The following AFF2 variants were observed in gnomAD, a reference collection of about 807,000 sequenced individuals.
The protein encoded by AFF2 is ALF transcription elongation factor 2.
A neutral mutation model predicts 76.9 loss-of-function variants in AFF2; 14 were observed. The observed-to-expected ratio is 0.18, with a 90% CI of 0.12 to 0.28. The LOEUF is 0.28. Among genes scored for constraint, AFF2 ranks in the 10% least tolerant of loss-of-function variants. The pLI is 1.00. For synonymous variants in AFF2, 398 were observed against 366.7 expected (o/e 1.09, Z -0.98); for missense variants, 868 against 1,001.1 (o/e 0.87, Z 1.79).
rs149793283 is a variant in AFF2 at position 148,505,140 on chromosome X, C to G, written c.47+3996C>G. On this transcript the variant is annotated intron_variant, in intron 1 of 20. Transcript: ENST00000370460. ...TCTTTGCTAGTACAGTATGCATTCT[C>G]CCGTGTGTTTGAGCATTCATTCAAC... 7.9e-3 allele frequency among the ~76,000 whole-genome samples: 888 copies of G among 111,928 alleles called. 6 individuals are homozygous for G. The highest frequency in any genetic ancestry group is 0.014 in the Middle Eastern group (3 of 218).
chrX:148,935,872 G>GTTT (rs200974378), intron 9 of AFF2, among the ~76,000 whole-genome samples: 1 of 99,675 alleles, frequency 1.0e-5, no homozygotes, highest in Admixed American at 1.1e-4. Context: ...TATACTTTAG[G>GTTT]TTTTTTTTTT....
chrX:148,551,806 G>A (rs2052996332), intron 1 of AFF2, among the ~76,000 whole-genome samples: 2 of 111,756 alleles, frequency 1.8e-5, no homozygotes, highest in Admixed American at 1.9e-4. Context: ...TGTATACCTG[G>A]GGAGTTGAGC....
chrX:148,739,660 A>G (rs2055326857), intron 3 of AFF2, among the ~76,000 whole-genome samples: 1 of 111,842 alleles, frequency 8.9e-6, no homozygotes, highest in Admixed American at 9.5e-5. Context: ...GTACTGTTGC[A>G]TTCATCATGC....
intron 1 of AFF2, among the ~76,000 whole-genome samples, chrX:148,597,239 A>G (rs1423289513): frequency 1.8e-5 from 2 of 111,267 alleles, no homozygotes; most frequent in African/African-American, 6.5e-5. Context: ...GTGTTACCCT[A>G]TGAAAGGCCC....
chrX:148,997,108 GTATC>G lies in AFF2; in HGVS notation c.*5779_*5782del, dbSNP rs2072611251. The G allele has an allele frequency of 8.9e-6, 1 of 112,058 alleles. No homozygotes were observed. The highest frequency in any genetic ancestry group is 9.5e-5 in the Admixed American group (1 of 10,499). The allele number at this position is 112,058 out of a possible 1,213,427, so 9.2% of individuals were successfully genotyped here. On this transcript the variant is annotated 3_prime_UTR_variant, in exon 21 of 21. Coordinates refer to ENST00000370460, the MANE Select transcript of AFF2 (RefSeq NM_002025.4). ...TGTTAACATTTGTTTTTAGTTAAAA[GTATC>G]TACTTACTGTTTTAGCTCTGAACTC...
At chrX:148,733,904 C>T (rs1273319226) in intron 3 of AFF2, among the ~76,000 whole-genome samples, 2 of 112,429 alleles carry the variant, frequency 1.8e-5, no homozygotes, top group Non-Finnish European at 3.8e-5. Context: ...AGACCAAAAC[C>T]TACCTAGCTA....
chrX:148,552,379 A>G (rs1362747329), intron 1 of AFF2, among the ~76,000 whole-genome samples: 2 of 111,648 alleles, frequency 1.8e-5, no homozygotes, highest in Non-Finnish European at 3.8e-5. Context: ...TGAACTGGCT[A>G]TTTTGTCCTC....
At chrX:148,945,096 A>G (rs991750146) in intron 9 of AFF2, among the ~76,000 whole-genome samples, 8 of 111,401 alleles carry the variant, frequency 7.2e-5, no homozygotes, top group African/African-American at 2.6e-4. Context: ...ACGGCCATGG[A>G]TATAGCCTGC....
At chrX:148,547,959 T>A (rs1202964982) in intron 1 of AFF2, among the ~76,000 whole-genome samples, 1 of 111,828 alleles carries the variant, frequency 8.9e-6, no homozygotes, top group Non-Finnish European at 1.9e-5. Flanking sequence ...CACCTATCAC[T>A]CTCCACTGCT....
intron 9 of AFF2, among the ~76,000 whole-genome samples, chrX:148,935,553 C>G (rs1282042287): frequency 1.8e-5 from 2 of 111,086 alleles, no homozygotes; most frequent in Non-Finnish European, 3.8e-5. Flanking sequence ...AAATTAAGTC[C>G]AAATCAACAC....
chrX:148,514,188 C>G (rs2052512080), intron 1 of AFF2, among the ~76,000 whole-genome samples: 1 of 111,182 alleles, frequency 9.0e-6, no homozygotes, highest in Non-Finnish European at 1.9e-5. Flanking sequence ...CGGAAAACCA[C>G]AGAAGTATAA....
chrX:148,657,339 G>T (rs2054263530), intron 2 of AFF2, among the ~76,000 whole-genome samples: 1 of 111,672 alleles, frequency 9.0e-6, no homozygotes, highest in South Asian at 3.7e-4. Flanking sequence ...GAGATTAACT[G>T]CAAAAATACT....
At chrX:148,953,465 G>T in intron 9 of AFF2, 115 bp from the exon 10 acceptor site, 1 of 842,073 alleles carries the variant, frequency 1.2e-6, no homozygotes, top group South Asian at 2.8e-5. Context: ...AAATGGGAAC[G>T]GTAAACCCCA....
At chrX:148,853,515 T>A (rs2124012992) in intron 7 of AFF2, among the ~76,000 whole-genome samples, 1 of 112,188 alleles carries the variant, frequency 8.9e-6, no homozygotes, top group African/African-American at 3.2e-5. Flanking sequence ...GATGAGCTCA[T>A]GAATGAGCTT....
intron 20 of AFF2, among the ~76,000 whole-genome samples, chrX:148,988,372 A>T (rs1426777280): frequency 8.9e-6 from 1 of 112,127 alleles, no homozygotes; most frequent in Non-Finnish European, 1.9e-5. Context: ...CATGTGGGGA[A>T]ACCATCTCAT....
At chrX:148,826,710 T>G (rs1049601230) in intron 4 of AFF2, among the ~76,000 whole-genome samples, 3 of 111,911 alleles carry the variant, frequency 2.7e-5, no homozygotes, top group Non-Finnish European at 5.6e-5. Flanking sequence ...ATTTTGCCAC[T>G]GTTAATATGG....
At chrX:148,667,995 A>T (rs1490438399) in intron 3 of AFF2, among the ~76,000 whole-genome samples, 2 of 112,843 alleles carry the variant, frequency 1.8e-5, no homozygotes, top group African/African-American at 6.4e-5. Context: ...TGAGTCCATA[A>T]ATTCAAAAGC....
At chrX:148,862,668 ATAGT>A (rs1387396020) in intron 7 of AFF2, among the ~76,000 whole-genome samples, 1 of 111,490 alleles carries the variant, frequency 9.0e-6, no homozygotes, top group East Asian at 2.8e-4. Context: ...CATTTACTAC[ATAGT>A]TAAACTGGCA....
intron 1 of AFF2, among the ~76,000 whole-genome samples, chrX:148,650,782 C>T (rs1407286030): frequency 9.0e-6 from 1 of 111,720 alleles, no homozygotes; most frequent in Non-Finnish European, 1.9e-5. Context: ...GCAAACTAGC[C>T]TACCAATGAC....
Sources: allele counts gnomAD v4.1 joint callset (sites outside exome capture counted in the v4.1 genomes callset), GRCh38; gene constraint gnomAD v4.1.1; transcripts MANE v1.5; gene names NCBI Gene and HGNC (gene_info 2026-07-23, HGNC 2026-07-21).